The following PTPRB variants were observed in gnomAD, a reference collection of about 807,000 sequenced individuals.
PTPRB encodes receptor-type tyrosine-protein phosphatase beta.
PTPRB carries 97 observed loss-of-function variants against 238.1 expected under a neutral mutation model. That is an observed-to-expected ratio of 0.41 (90% confidence interval 0.35 to 0.48). The LOEUF is 0.48. PTPRB is among the 20% of genes least tolerant of loss of function. The pLI is 0.30. For synonymous variants in PTPRB, 970 were observed against 995.4 expected, an observed-to-expected ratio of 0.97 and a Z score of 0.48; for missense variants, 2,292 against 2,681.9, an observed-to-expected ratio of 0.85 and a Z score of 3.21.
chr12:70,525,748 C>T (rs981366496), intron 32 of PTPRB, among the ~76,000 whole-genome samples: 35 of 152,164 alleles, frequency 2.3e-4, no homozygotes, highest in African/African-American at 6.8e-4. Flanking sequence ...TGATAACTTC[C>T]CTTGCTGAGC....
At chr12:70,569,633 G>C in intron 14 of PTPRB, 42 bp downstream of exon 14, 1 of 1,607,504 alleles carries the variant, frequency 6.2e-7, no homozygotes, top group Non-Finnish European at 8.5e-7. Flanking sequence ...GGAGAACCAT[G>C]AGGCATTCTA....
chr12:70,636,095 A>G (rs1252061047), intron 1 of PTPRB, 29 bp from the exon 2 acceptor site: 9 of 1,539,284 alleles, frequency 5.8e-6, no homozygotes. Flanking sequence ...ATAAAGCACT[A>G]TGTAGCAAAT....
chr12:70,559,317 A>C, intron 18 of PTPRB, 26 bp downstream of exon 18: 1 of 1,586,842 alleles, frequency 6.3e-7, no homozygotes, highest in South Asian at 1.1e-5. Context: ...CCATTTGAGA[A>C]ATAAGAGTAG....
chr12:70,541,181 C>T (rs2278345), intron 22 of PTPRB: 329,069 of 458,474 alleles, frequency 0.72, 119,466 homozygotes, highest in East Asian at 0.82. Flanking sequence ...GGTGTCACTG[C>T]ATACTTTTGA....
At chr12:70,547,634 G>A (rs1297049104) in intron 21 of PTPRB, among the ~76,000 whole-genome samples, 2 of 149,692 alleles carry the variant, frequency 1.3e-5, no homozygotes, top group Non-Finnish European at 3.0e-5. Context: ...AGCCTCCTGA[G>A]TAGCTGGGAT....
rs1029705691 is a variant in PTPRB, at chr12:70,516,098, A to C, written c.*5391T>G. ...TCTGCCATCTTAACTGGATTTTCAG[A>C]GAAATAATAAATGATATTAAAAACA... On this transcript the variant is annotated 3_prime_UTR_variant, in exon 34 of 34. Coordinates refer to ENST00000334414, the MANE Select transcript of PTPRB (RefSeq NM_001109754.4). The C allele has an allele frequency of 9.2e-5, 14 of 152,208 alleles. No individual in the cohort carries two copies. The highest frequency in any genetic ancestry group is 2.1e-4 in the Non-Finnish European group (14 of 68,036). 9.4% of individuals were successfully genotyped at this position (152,208 alleles called of 1,614,324 possible). A position where few individuals can be genotyped will look rare whatever the true frequency, so the allele number is the denominator to read the frequency against.
intron 22 of PTPRB, chr12:70,541,983 T>C (rs762384073): frequency 6.1e-5 from 9 of 147,890 alleles, no homozygotes; most frequent in Admixed American, 1.4e-4. Flanking sequence ...AGGAGTGAAA[T>C]TGCTGGGTCG....
chr12:70,599,235 G>GAT (rs1044950590), intron 4 of PTPRB, among the ~76,000 whole-genome samples: 2 of 151,962 alleles, frequency 1.3e-5, no homozygotes, highest in South Asian at 2.1e-4. Flanking sequence ...TATGTATATA[G>GAT]ATATATATAT....
intron 33 of PTPRB, among the ~76,000 whole-genome samples, chr12:70,522,123 T>C (rs565475889): frequency 6.6e-6 from 1 of 152,338 alleles, no homozygotes; most frequent in African/African-American, 2.4e-5. Context: ...AGATGCTAAC[T>C]CATTAACATA....
intron 22 of PTPRB, chr12:70,541,507 C>T (rs189493995): frequency 6.6e-6 from 1 of 152,266 alleles, no homozygotes; most frequent in Admixed American, 6.6e-5. Context: ...CTAAGTTGTA[C>T]AATTCAGTGG....
intron 27 of PTPRB, chr12:70,538,548 G>T (rs957176554): frequency 5.7e-5 from 25 of 436,976 alleles, no homozygotes; most frequent in African/African-American, 4.5e-4. Flanking sequence ...ACCTTCTATT[G>T]CTTTACCTAA....
chr12:70,529,896 T>C (rs1383400814), intron 32 of PTPRB, among the ~76,000 whole-genome samples: 5 of 152,184 alleles, frequency 3.3e-5, no homozygotes, highest in African/African-American at 4.8e-5. Flanking sequence ...CCATGAAGCA[T>C]TGAGTTTAAT....
In PTPRB at chr12:70,532,194, T is replaced by C. The variant is rs1250255174; in HGVS notation, c.6369-24A>G. ...CACTAGAAGAGATGGCAAAGGAAGA[T>C]TGAGCCTTTTTATTAAATTTGCCTT... On this transcript the variant is annotated intron_variant, in intron 31 of 33. Transcript: ENST00000334414. 4.5e-6 allele frequency: 7 copies of C among 1,541,388 alleles called. No homozygotes were observed. In the Admixed American group the frequency reaches 1.3e-4, roughly 28 times the overall value.
intron 32 of PTPRB, among the ~76,000 whole-genome samples, chr12:70,529,060 C>A (rs1222786817): frequency 6.6e-6 from 1 of 151,936 alleles, no homozygotes; most frequent in Non-Finnish European, 1.5e-5. Flanking sequence ...TGGAGAATAT[C>A]ACAAAGAATG....
intron 3 of PTPRB, among the ~76,000 whole-genome samples, chr12:70,619,216 C>T (rs1202869137): frequency 1.3e-5 from 2 of 148,376 alleles, no homozygotes; most frequent in Admixed American, 6.8e-5. Flanking sequence ...GTCTGTTATT[C>T]CCTAGTCATT....
intron 4 of PTPRB, among the ~76,000 whole-genome samples, chr12:70,599,045 T>C (rs892131459): frequency 6.6e-6 from 1 of 152,206 alleles, no homozygotes; most frequent in African/African-American, 2.4e-5. Flanking sequence ...TAAAGCCCTT[T>C]GCTGGCAGTT....
At chr12:70,561,114 T>G (rs1878428317) in intron 16 of PTPRB, among the ~76,000 whole-genome samples, 180 bp from the exon 17 acceptor site, 1 of 152,100 alleles carries the variant, frequency 6.6e-6, no homozygotes, top group Non-Finnish European at 1.5e-5. Flanking sequence ...TGGTATAAAT[T>G]AAAACAAAAC....
intron 10 of PTPRB, among the ~76,000 whole-genome samples, chr12:70,580,593 G>A (rs878901336): frequency 6.6e-6 from 1 of 152,314 alleles, no homozygotes; most frequent in Admixed American, 6.5e-5. Flanking sequence ...GCCGAGGCGG[G>A]TGGATCACCT....
chr12:70,569,853 G>A lies in PTPRB; in HGVS notation c.3456C>T (p.Asp1152=), dbSNP rs192154423. 2.1e-4 allele frequency: 342 copies of A among 1,613,784 alleles called. 1 individual carries two copies. Among genetic ancestry groups the A allele is most frequent in the South Asian group, 1.2e-3 (111 of 91,062 alleles). The change falls in exon 14 of 34, where the codon GAC becomes GAT. Residue 1152 remains aspartate (D), a synonymous_variant. Transcript: ENST00000334414. ...LTVNWTPGGG[D]VDSYTVSAFR... is the part of the protein sequence containing the mutation. ...ATGCCGACACCGTGTAGGAATCAAC[G>A]TCTCCCCCACCAGGAGTCCAGTTCA... is the stretch of plus-strand genomic sequence containing the variant.
Sources: gnomAD v4.1 joint callset for allele counts (sites outside exome capture counted in the v4.1 genomes callset) on GRCh38, gnomAD v4.1.1 for gene constraint, MANE v1.5 for transcripts, NCBI Gene and HGNC (gene_info 2026-07-23, HGNC 2026-07-21) for gene names.